TRAPPC8: variants seen among roughly 807,000 people sequenced by gnomAD.
The protein encoded by TRAPPC8 is trafficking protein particle complex subunit 8, also known as general sporulation gene 1 homolog.
Under a neutral mutation model 174.3 loss-of-function variants are expected in TRAPPC8, and 54 were observed. The observed-to-expected ratio is 0.31, with a 90% confidence interval of 0.25 to 0.39. The LOEUF (loss-of-function observed/expected upper bound fraction) is 0.39, where lower values mean the gene tolerates loss of function less well. Among genes scored for constraint, TRAPPC8 ranks in the 10% least tolerant of loss-of-function variants. The pLI is 1.00. For missense variants in TRAPPC8, 1,531 were observed against 1,699.1 expected (o/e 0.90, Z 1.74); for synonymous variants, 630 against 579.9 (o/e 1.09, Z -1.24).
At chr18:31,882,149 A>G (rs1395833413) in intron 12 of TRAPPC8, among the ~76,000 whole-genome samples, 2 of 152,216 alleles carry the variant, frequency 1.3e-5, no homozygotes, top group Non-Finnish European at 2.9e-5. Context: ...AGACACCTGT[A>G]TTCTTATGTT....
chr18:31,889,251 T>C (rs1381997289), intron 12 of TRAPPC8, among the ~76,000 whole-genome samples: 1 of 152,150 alleles, frequency 6.6e-6, no homozygotes, highest in Non-Finnish European at 1.5e-5. Context: ...AGCAAATGTA[T>C]CTCAACCTAC....
At chr18:31,854,066 A>G (rs1440794270) in intron 21 of TRAPPC8, 121 bp from the exon 22 acceptor site, 1 of 723,776 alleles carries the variant, frequency 1.4e-6, no homozygotes, top group African/African-American at 1.8e-5. Flanking sequence ...AGATGCAATT[A>G]CAATATACAT....
At position 31,902,314 on chromosome 18, in the gene TRAPPC8, G is replaced by C. The variant is rs141794380; in HGVS notation, c.1390-1289C>G. On this transcript the variant is annotated intron_variant, in intron 9 of 28. Coordinates refer to ENST00000283351, the MANE Select transcript of TRAPPC8 (RefSeq NM_014939.5). Reference sequence around the variant, plus strand: ...CCACTGCACTCTGGCCTGGGCAACAGAGTGAGATTCGGTCTCAAAAAACAA... The same window carrying C: ...CCACTGCACTCTGGCCTGGGCAACACAGTGAGATTCGGTCTCAAAAAACAA... Among the ~76,000 whole-genome samples the C allele has an allele frequency of 2.2e-3, 328 of 152,324 alleles. 1 individual carries two copies. Among genetic ancestry groups the C allele is most frequent in the African/African-American group, 7.0e-3 (292 of 41,572 alleles).
chr18:31,893,588 C>A (rs2036059101), intron 11 of TRAPPC8, among the ~76,000 whole-genome samples: 1 of 152,146 alleles, frequency 6.6e-6, no homozygotes, highest in Non-Finnish European at 1.5e-5. Context: ...ATACCTTAAT[C>A]ATATGCAGTA....
intron 26 of TRAPPC8, among the ~76,000 whole-genome samples, chr18:31,845,420 A>G (rs1382944216): frequency 6.6e-6 from 1 of 151,946 alleles, no homozygotes; most frequent in Non-Finnish European, 1.5e-5. Flanking sequence ...TGTAAAGAAG[A>G]GTACTGCATC....
intron 11 of TRAPPC8, 69 bp from the exon 12 acceptor site, chr18:31,890,935 A>C (rs2035928304): frequency 6.9e-7 from 1 of 1,451,398 alleles, no homozygotes; most frequent in African/African-American, 1.4e-5. Context: ...ACTAGTGAAA[A>C]AAACATTTAA....
chr18:31,923,192 A>G (rs1039894103), intron 2 of TRAPPC8, among the ~76,000 whole-genome samples: 2 of 152,242 alleles, frequency 1.3e-5, no homozygotes, highest in African/African-American at 2.4e-5. Flanking sequence ...GATAAAATAG[A>G]TAACAAAAGT....
At chr18:31,898,243 T>C (rs973367119) in intron 10 of TRAPPC8, among the ~76,000 whole-genome samples, 2 of 152,104 alleles carry the variant, frequency 1.3e-5, no homozygotes, top group Non-Finnish European at 2.9e-5. Flanking sequence ...TTCCCAAATA[T>C]TTTTAATCTG....
intron 16 of TRAPPC8, chr18:31,869,868 C>G (rs2034759818): frequency 6.6e-6 from 1 of 152,124 alleles, no homozygotes; most frequent in Admixed American, 6.6e-5. Context: ...GCGGGAGGAT[C>G]ACGAGGTCAG....
intron 12 of TRAPPC8, among the ~76,000 whole-genome samples, chr18:31,884,850 T>A (rs1175969016): frequency 6.6e-6 from 1 of 150,856 alleles, no homozygotes; most frequent in Non-Finnish European, 1.5e-5. Flanking sequence ...CTTAAAAAAA[T>A]TAAGTTTTTT....
In TRAPPC8 at chr18:31,829,650, G is replaced by A. The variant is rs551770113; in HGVS notation, c.*1105C>T. 5.3e-5 allele frequency: 8 copies of A among 152,182 alleles called. No individual in the cohort carries two copies. The South Asian group carries it at 6.2e-4, about 12-fold the overall frequency. The allele number at this position is 152,182 out of a possible 1,614,324, so 9.4% of individuals were successfully genotyped here. On this transcript the variant is annotated 3_prime_UTR_variant, in exon 29 of 29. Coordinates refer to ENST00000283351, the MANE Select transcript of TRAPPC8 (RefSeq NM_014939.5). ...TCCCCACTTTGGTGCAGTCTGCTCC[G>A]ATTAGTGCCGAGATTGAGACTGGAA...
At chr18:31,845,312 C>T (rs2033341449) in intron 26 of TRAPPC8, 1 of 152,028 alleles carries the variant, frequency 6.6e-6, no homozygotes, top group Non-Finnish European at 1.5e-5. Context: ...GATATAACAA[C>T]TGAATGCAAA....
At chr18:31,893,381 G>GTA (rs2036044675) in intron 11 of TRAPPC8, among the ~76,000 whole-genome samples, 1 of 43,312 alleles carries the variant, frequency 2.3e-5, no homozygotes, top group Non-Finnish European at 6.0e-5. Context: ...TTGCTTCTAG[G>GTA]TGTGTGTGTG....
intron 1 of TRAPPC8, 99 bp from the exon 2 acceptor site, chr18:31,931,622 G>T: frequency 1.2e-6 from 1 of 833,460 alleles, no homozygotes; most frequent in Non-Finnish European, 1.7e-6. Context: ...GATGTACAAA[G>T]CAGAAGCCAG....
rs771462862 is a variant in TRAPPC8 at position 31,852,513 on chromosome 18, CAG to C, written c.3503-11_3503-10del. 1.5e-5 allele frequency: 25 copies of C among 1,613,938 alleles called. No individual in the cohort carries two copies. Among genetic ancestry groups the C allele is most frequent in the Admixed American group, 1.0e-4 (6 of 59,988 alleles). ...AGAGGACTGTGTGGCCGCTAAAAAA[CAG>C]GGGAAAACAAACTAATCATATCATT... On this transcript the variant is annotated splice_polypyrimidine_tract_variant and intron_variant, in intron 23 of 28. Coordinates refer to ENST00000283351, the MANE Select transcript of TRAPPC8 (RefSeq NM_014939.5).
intron 22 of TRAPPC8, chr18:31,852,992 C>G: frequency 3.8e-6 from 1 of 264,772 alleles, no homozygotes; most frequent in East Asian, 9.2e-5. Context: ...TTCTTCATTT[C>G]CTTTCAGTAT....
At position 31,908,954 on chromosome 18, in the gene TRAPPC8, G is replaced by A. The variant is rs762984756; in HGVS notation, c.922C>T (p.Pro308Ser). ...HPLQLEQSSD[P>S]SNSIDGPDHL... ...TCTGGGCCATCAATACTGTTAGAAG[G>A]GTCACTGGATTGCTCCAACTGAAGT... Residue 308 changes from proline to serine, a missense_variant, in exon 7 of 29, where the codon CCT (proline) becomes TCT (serine). Transcript: ENST00000283351. The A allele has an allele frequency of 1.2e-6, 2 of 1,613,262 alleles. No individual in the cohort carries two copies. The highest frequency in any genetic ancestry group is 1.7e-6 in the Non-Finnish European group (2 of 1,179,572).
At chr18:31,870,667 C>CATT (rs1372623701) in intron 15 of TRAPPC8, among the ~76,000 whole-genome samples, 165 bp from the exon 16 acceptor site, 1 of 152,190 alleles carries the variant, frequency 6.6e-6, no homozygotes, top group Non-Finnish European at 1.5e-5. Flanking sequence ...TGTAATACTA[C>CATT]ATTACCTCCT....
chr18:31,869,511 T>C (rs891313977), intron 16 of TRAPPC8, among the ~76,000 whole-genome samples: 2 of 152,138 alleles, frequency 1.3e-5, no homozygotes, highest in Non-Finnish European at 2.9e-5. Flanking sequence ...AATCTTCACT[T>C]CATGCCCTGG....
Sources: allele counts gnomAD v4.1 joint callset (sites outside exome capture counted in the v4.1 genomes callset), GRCh38; gene constraint gnomAD v4.1.1; transcripts MANE v1.5; gene names NCBI Gene and HGNC (gene_info 2026-07-23, HGNC 2026-07-21).